KANK1: variants seen among roughly 807,000 people sequenced by gnomAD.
KANK1 encodes KN motif and ankyrin repeat domains 1, also known as KN motif and ankyrin repeat domain-containing protein 1.
In KANK1, 109 loss-of-function variants were observed where a neutral mutation model predicts 106.2. The observed-to-expected ratio is 1.03, with a 90% CI of 0.88 to 1.20. The LOEUF is 1.20. Among genes scored for constraint, KANK1 ranks in the 50% most tolerant of loss-of-function variants. The pLI, the probability that KANK1 is intolerant of heterozygous loss-of-function variation, is 0.00. For missense variants in KANK1, 2,399 were observed against 1,710.7 expected (o/e 1.40, Z -7.10); for synonymous variants, 873 against 652.2 (o/e 1.34, Z -5.16).
At chr9:540,300 T>G (rs2060527723) in intron 1 of KANK1, among the ~76,000 whole-genome samples, 1 of 152,258 alleles carries the variant, frequency 6.6e-6, no homozygotes. Flanking sequence ...CCCTTGATTT[T>G]TATCCTCGAT....
At chr9:599,144 G>C (rs922908286) in intron 1 of KANK1, among the ~76,000 whole-genome samples, 1 of 149,786 alleles carries the variant, frequency 6.7e-6, no homozygotes, top group African/African-American at 2.5e-5. Context: ...TCAGCCTCCT[G>C]AGTAGCTGGG....
At chr9:725,230 G>C (rs1428125547) in intron 3 of KANK1, among the ~76,000 whole-genome samples, 2 of 152,120 alleles carry the variant, frequency 1.3e-5, no homozygotes, top group African/African-American at 4.8e-5. Context: ...CTGGCCTTCA[G>C]AATCCTTAGC....
intron 1 of KANK1, among the ~76,000 whole-genome samples, chr9:557,393 CTT>C (rs2061663383): frequency 6.6e-6 from 1 of 152,048 alleles, no homozygotes. Context: ...ATAGTATTCT[CTT>C]TTGTGTATAT....
intron 1 of KANK1, among the ~76,000 whole-genome samples, chr9:643,453 C>T (rs16921615): frequency 6.7e-6 from 1 of 150,056 alleles, no homozygotes; most frequent in Non-Finnish European, 1.5e-5. Flanking sequence ...AATTTTGGTC[C>T]AAGCTCTAGG....
At chr9:668,989 T>C (rs887008254) in intron 1 of KANK1, among the ~76,000 whole-genome samples, 3 of 152,118 alleles carry the variant, frequency 2.0e-5, no homozygotes, top group Non-Finnish European at 2.9e-5. Flanking sequence ...GTTCCTAACA[T>C]GCGACGGACC....
chr9:504,886 C>T (rs35414372), intron 1 of KANK1, 132 bp downstream of exon 1: 19,536 of 145,874 alleles, frequency 0.13, 2,128 homozygotes, highest in African/African-American at 0.3. Context: ...TGCGCGGCGG[C>T]CGTGGCGGTG....
intron 2 of KANK1, among the ~76,000 whole-genome samples, chr9:679,872 C>G (rs1262196134): frequency 6.6e-6 from 1 of 151,992 alleles, no homozygotes; most frequent in Non-Finnish European, 1.5e-5. Flanking sequence ...AAAATCATTC[C>G]TTTACCTTTT....
intron 2 of KANK1, among the ~76,000 whole-genome samples, chr9:690,580 A>G (rs7031124): frequency 0.71 from 107,662 of 151,700 alleles, 38,913 homozygotes; most frequent in Middle Eastern, 0.8. Context: ...GGGAAAGATG[A>G]GGGCAGGGAA....
chr9:505,690 G>A (rs994399679), intron 1 of KANK1, among the ~76,000 whole-genome samples: 2 of 152,216 alleles, frequency 1.3e-5, no homozygotes, highest in East Asian at 1.9e-4. Context: ...TATGGCGTCC[G>A]CCAGCGCTCG....
At chr9:564,433 C>T (rs557139694) in intron 1 of KANK1, among the ~76,000 whole-genome samples, 3 of 152,292 alleles carry the variant, frequency 2.0e-5, no homozygotes, top group Non-Finnish European at 4.4e-5. Context: ...ACATACAAAA[C>T]AATCTGAACA....
intron 1 of KANK1, among the ~76,000 whole-genome samples, chr9:586,441 G>A (rs1357064932): frequency 6.6e-6 from 1 of 152,192 alleles, no homozygotes; most frequent in Non-Finnish European, 1.5e-5. Context: ...GTTCAGCAGT[G>A]TGATAGGAGT....
intron 1 of KANK1, among the ~76,000 whole-genome samples, chr9:654,765 G>C (rs1841721897): frequency 6.6e-6 from 1 of 151,988 alleles, no homozygotes; most frequent in African/African-American, 2.4e-5. Flanking sequence ...GTTTTACTGA[G>C]TTCCTTTTTA....
At chr9:591,203 TGTTA>T (rs1353967264) in intron 1 of KANK1, among the ~76,000 whole-genome samples, 4 of 151,938 alleles carry the variant, frequency 2.6e-5, no homozygotes, top group East Asian at 1.9e-4. Context: ...TATAAAAGTA[TGTTA>T]GTTGTTTTGA....
At chr9:697,383 A>T (rs1056092711) in intron 2 of KANK1, among the ~76,000 whole-genome samples, 2 of 151,826 alleles carry the variant, frequency 1.3e-5, no homozygotes, top group African/African-American at 4.8e-5. Flanking sequence ...ATTTTTTTTT[A>T]TGATTGACAT....
At chr9:523,760 G>C (rs771777096) in intron 1 of KANK1, among the ~76,000 whole-genome samples, 108 of 151,438 alleles carry the variant, frequency 7.1e-4, no homozygotes, top group Non-Finnish European at 1.3e-3. Context: ...TGATTATTCA[G>C]AGTTATAACC....
chr9:679,082 G>A lies in KANK1; in HGVS notation c.37+2073G>A, dbSNP rs541959555. 1.4e-4 allele frequency among the ~76,000 whole-genome samples: 21 copies of A among 152,208 alleles called. No homozygotes were observed. The South Asian group carries it at 4.1e-3, about 30-fold the overall frequency. ...AAGCTGTAACTTTTCCTTCCCACCTGGTATCCTGCCTAACAGGTCTGGGCA... is the reference window on the plus strand; with the variant it reads ...AAGCTGTAACTTTTCCTTCCCACCTAGTATCCTGCCTAACAGGTCTGGGCA... On this transcript the variant is annotated intron_variant, in intron 2 of 11. Transcript: ENST00000382297.
intron 3 of KANK1, among the ~76,000 whole-genome samples, chr9:487,534 C>T (rs1017683431): frequency 2.6e-5 from 4 of 152,076 alleles, no homozygotes; most frequent in African/African-American, 9.7e-5. Context: ...GGTATCAGTA[C>T]CTCAGATATA....
chr9:729,594 G>C (rs533003742), intron 3 of KANK1, among the ~76,000 whole-genome samples: 3 of 152,322 alleles, frequency 2.0e-5, no homozygotes, highest in African/African-American at 4.8e-5. Flanking sequence ...GGGTCAGCCA[G>C]TACCAGGTTA....
intron 1 of KANK1, among the ~76,000 whole-genome samples, chr9:506,062 C>A (rs2058742940): frequency 6.6e-6 from 1 of 152,134 alleles, no homozygotes; most frequent in African/African-American, 2.4e-5. Context: ...GGTCAAAATT[C>A]AGTGGTTTTT....
Sources: allele counts gnomAD v4.1 joint callset (sites outside exome capture counted in the v4.1 genomes callset), GRCh38; gene constraint gnomAD v4.1.1; transcripts MANE v1.5; gene names NCBI Gene and HGNC (gene_info 2026-07-23, HGNC 2026-07-21).